ICA1L: variants seen among roughly 807,000 people sequenced by gnomAD.
ICA1L encodes islet cell autoantigen 1 like.
A neutral mutation model predicts 61.3 loss-of-function variants in ICA1L; 50 were observed. The observed-to-expected ratio is 0.82, with a 90% CI of 0.65 to 1.03. The LOEUF is 1.03. ICA1L is among the 50% of genes least tolerant of loss of function. The pLI is 0.00. For synonymous variants in ICA1L, 161 were observed against 191.3 expected (o/e 0.84, Z 1.31); for missense variants, 508 against 556.7 (o/e 0.91, Z 0.88).
chr2:202,871,038 G>C (rs1031082243), intron 1 of ICA1L: 2 of 152,244 alleles, frequency 1.3e-5, no homozygotes, highest in Non-Finnish European at 1.5e-5. Context: ...TCGCGGGCCC[G>C]TGCATTCTGC....
chr2:202,853,107 C>T (rs1169206722), intron 1 of ICA1L, among the ~76,000 whole-genome samples: 1 of 151,932 alleles, frequency 6.6e-6, no homozygotes, highest in Non-Finnish European at 1.5e-5. Flanking sequence ...GCCTGTAATC[C>T]CAGCACTTTG....
At chr2:202,788,801 A>G in intron 11 of ICA1L, 29 bp downstream of exon 11, 12 of 1,612,432 alleles carry the variant, frequency 7.4e-6, no homozygotes, top group Non-Finnish European at 1.0e-5. Flanking sequence ...AGTAAAGCAC[A>G]TATGTCCAAA....
At chr2:202,836,862 G>A (rs1194470914) in intron 1 of ICA1L, among the ~76,000 whole-genome samples, 3 of 81,746 alleles carry the variant, frequency 3.7e-5, no homozygotes, top group Non-Finnish European at 8.8e-5. Context: ...TATTTTTTTA[G>A]ATGGAGTCTC....
chr2:202,815,967 A>G lies in ICA1L; in HGVS notation c.727T>C (p.Ser243Pro). The G allele has an allele frequency of 1.2e-6, 2 of 1,605,544 alleles. No individual in the cohort carries two copies. The highest frequency in any genetic ancestry group is 1.7e-6 in the Non-Finnish European group (2 of 1,176,664). ...CCAATACAGGCTTCATGAATTTGGG[A>G]CATCATTCGAGCTGTTTTCTTCCAG... ...GFWKKTARMMSQIHEACIGFH... is the reference protein window; with the variant it reads ...GFWKKTARMMPQIHEACIGFH... The change falls in exon 7 of 13, where the codon TCC becomes CCC. Residue 243 changes from serine (S) to proline (P), a missense_variant. Coordinates refer to ENST00000358299, the MANE Select transcript of ICA1L (RefSeq NM_001288622.3).
chr2:202,809,877 A>C (rs1693325620), intron 9 of ICA1L, among the ~76,000 whole-genome samples: 1 of 152,172 alleles, frequency 6.6e-6, no homozygotes, highest in African/African-American at 2.4e-5. Flanking sequence ...TATAAGAGTT[A>C]TTGGCTTTAA....
chr2:202,845,559 G>A (rs549716424), intron 1 of ICA1L, among the ~76,000 whole-genome samples: 7 of 151,754 alleles, frequency 4.6e-5, no homozygotes, highest in African/African-American at 7.3e-5. Flanking sequence ...CCCGGGAAGC[G>A]GAGGCTGAAG....
chr2:202,826,222 ATT>A (rs538088513), intron 2 of ICA1L, among the ~76,000 whole-genome samples: 53 of 152,310 alleles, frequency 3.5e-4, no homozygotes, highest in Admixed American at 5.9e-4. Flanking sequence ...TAAATAATGT[ATT>A]ATAACATCAA....
At chr2:202,864,266 C>CA (rs1687398151) in intron 1 of ICA1L, among the ~76,000 whole-genome samples, 1 of 151,062 alleles carries the variant, frequency 6.6e-6, no homozygotes, top group Non-Finnish European at 1.5e-5. Context: ...TTTTTCGAGA[C>CA]GGAGTCTTGC....
In ICA1L at chr2:202,776,267, T is replaced by C. The variant is rs570001404; in HGVS notation, c.*3266A>G. ...TATTATGCCCTGGTATTCCTGCGTC[T>C]CCTAAAAAATGGTTGTAGACACACT... On this transcript the variant is annotated 3_prime_UTR_variant, in exon 13 of 13. Transcript: ENST00000358299. 1.3e-5 allele frequency: 2 copies of C among 152,200 alleles called. No homozygotes were observed. The highest frequency in any genetic ancestry group is 3.2e-3 in the Middle Eastern group (1 of 316). 9.4% of individuals were successfully genotyped at this position (152,200 alleles called of 1,614,324 possible).
chr2:202,801,394 G>T (rs929660146), intron 9 of ICA1L, among the ~76,000 whole-genome samples: 1 of 152,162 alleles, frequency 6.6e-6, no homozygotes, highest in Non-Finnish European at 1.5e-5. Context: ...AGTGAGAAAG[G>T]TCTAGCTCAA....
chr2:202,818,447 T>C (rs182096374), intron 5 of ICA1L, among the ~76,000 whole-genome samples: 1 of 152,190 alleles, frequency 6.6e-6, no homozygotes, highest in Non-Finnish European at 1.5e-5. Flanking sequence ...TACAACGTGG[T>C]TGTGGAGGGA....
chr2:202,815,036 T>C (rs767959976), intron 7 of ICA1L, among the ~76,000 whole-genome samples: 1 of 152,206 alleles, frequency 6.6e-6, no homozygotes, highest in Admixed American at 6.5e-5. Context: ...GTTTAACAAC[T>C]TAGTAATAGG....
At chr2:202,823,375 C>A (rs984966331) in intron 3 of ICA1L, among the ~76,000 whole-genome samples, 7 of 152,136 alleles carry the variant, frequency 4.6e-5, no homozygotes, top group Non-Finnish European at 8.8e-5. Flanking sequence ...AGTGAAAATA[C>A]ACAATTAAAT....
Position 202,774,070 on chromosome 2 carries a change from G to A in ICA1L, c.*5463C>T. 1 of 986,910 alleles carries A rather than the reference G, an allele frequency of 1.0e-6. No individual in the cohort carries two copies. The highest frequency in any genetic ancestry group is 1.6e-6 in the Non-Finnish European group (1 of 642,912). 61.1% of individuals were successfully genotyped at this position (986,910 alleles called of 1,614,324 possible). ...GCTTCTTTGATGTGTCATCCTAGCT[G>A]CCTAATATGATAATATTAGGAATCC... On this transcript the variant is annotated 3_prime_UTR_variant, in exon 13 of 13. Coordinates refer to ENST00000358299, the MANE Select transcript of ICA1L (RefSeq NM_001288622.3).
intron 4 of ICA1L, among the ~76,000 whole-genome samples, chr2:202,820,514 C>G (rs1409909072): frequency 6.6e-6 from 1 of 152,118 alleles, no homozygotes; most frequent in Non-Finnish European, 1.5e-5. Flanking sequence ...CTGAGGGGAA[C>G]AGAGAACCTG....
In ICA1L at chr2:202,779,646, G is replaced by A. The variant is rs911321845; in HGVS notation, c.1336C>T (p.Pro446Ser). Reference sequence around the variant, plus strand: ...GACATGTCTTGGTTGCCATTGTTGGGGGCTATTAAAAAAGAAAAAAAATAC... The same window carrying A: ...GACATGTCTTGGTTGCCATTGTTGGAGGCTATTAAAAAAGAAAAAAAATAC... ...SQSPKKLTRS[P>S]NNGNQDMSAW... The change falls in exon 13 of 13, where the codon CCC becomes TCC. Residue 446 changes from proline to serine, a missense_variant and splice_region_variant. Physicochemically the swap from Pro to Ser is moderately conservative, Grantham distance 74 (BLOSUM62 -1). Transcript: ENST00000358299. 1.3e-6 allele frequency: 2 copies of A among 1,589,616 alleles called. No homozygotes were observed. Among genetic ancestry groups the A allele is most frequent in the African/African-American group, 1.4e-5 (1 of 73,956 alleles).
chr2:202,809,356 G>A (rs1322961250), intron 9 of ICA1L, among the ~76,000 whole-genome samples: 1 of 151,806 alleles, frequency 6.6e-6, no homozygotes, highest in Non-Finnish European at 1.5e-5. Flanking sequence ...GGAGACAAAA[G>A]AAAAGAGAAT....
rs1692265816 is a variant in ICA1L, at chr2:202,777,635, T to C, written c.*1898A>G. On this transcript the variant is annotated 3_prime_UTR_variant, in exon 13 of 13. Transcript: ENST00000358299. Reference sequence around the variant, plus strand: ...TTTTTCTGAGTCAATGTTTCTGACCTTCAGATAAGGTCTTTCCAGCCTATA... The same window carrying C: ...TTTTTCTGAGTCAATGTTTCTGACCCTCAGATAAGGTCTTTCCAGCCTATA... 2 of 152,216 alleles carry C rather than the reference T, an allele frequency of 1.3e-5. No individual in the cohort carries two copies. 9.4% of individuals were successfully genotyped at this position (152,216 alleles called of 1,614,324 possible).
chr2:202,811,614 A>G, intron 9 of ICA1L, 132 bp downstream of exon 9: 2 of 616,622 alleles, frequency 3.2e-6, no homozygotes, highest in East Asian at 5.9e-5. Flanking sequence ...GTGAGCCAAG[A>G]TCACGCAACT....
Sources: allele counts gnomAD v4.1 joint callset (sites outside exome capture counted in the v4.1 genomes callset), GRCh38; gene constraint gnomAD v4.1.1; transcripts MANE v1.5; gene names NCBI Gene and HGNC (gene_info 2026-07-23, HGNC 2026-07-21).